TMEFF2: variants seen among roughly 807,000 people sequenced by gnomAD.
TMEFF2 encodes the protein transmembrane protein with EGF like and two follistatin like domains 2.
A neutral mutation model predicts 53.8 loss-of-function variants in TMEFF2; 28 were observed. The ratio of observed to expected loss-of-function variants is 0.52; its 90% CI spans 0.39 to 0.71. The LOEUF (loss-of-function observed/expected upper bound fraction) is 0.71, where lower values mean the gene tolerates loss of function less well. Among genes scored for constraint, TMEFF2 ranks in the 30% least tolerant of loss-of-function variants. TMEFF2 has a pLI of 0.00. For missense variants in TMEFF2, 353 were observed against 455.2 expected (o/e 0.78, Z 2.04); for synonymous variants, 162 against 166.3 (o/e 0.97, Z 0.20).
At chr2:191,978,407 A>G (rs371385445) in intron 7 of TMEFF2, among the ~76,000 whole-genome samples, 4 of 152,062 alleles carry the variant, frequency 2.6e-5, no homozygotes, top group African/African-American at 9.7e-5. Context: ...CTTTCATTGA[A>G]AAGTCATTTC....
intron 4 of TMEFF2, among the ~76,000 whole-genome samples, chr2:192,112,204 G>A (rs138041467): frequency 1.1e-3 from 174 of 152,286 alleles, no homozygotes; most frequent in African/African-American, 3.7e-3. Flanking sequence ...ACCTGGAAAC[G>A]CTGCATACAC....
chr2:191,983,588 T>A (rs1211600163), intron 7 of TMEFF2, among the ~76,000 whole-genome samples: 5 of 152,126 alleles, frequency 3.3e-5, no homozygotes, highest in Non-Finnish European at 7.4e-5. Flanking sequence ...GTAGAATGAT[T>A]ATAACATGCC....
intron 4 of TMEFF2, among the ~76,000 whole-genome samples, chr2:192,082,378 C>G (rs1419469811): frequency 2.6e-5 from 4 of 152,128 alleles, no homozygotes; most frequent in Non-Finnish European, 5.9e-5. Context: ...TGGAGTTAAA[C>G]AGAAAGTCAG....
At chr2:192,179,488 C>A (rs1447549978) in intron 4 of TMEFF2, 180 bp downstream of exon 4, 1 of 464,386 alleles carries the variant, frequency 2.2e-6, no homozygotes, top group Non-Finnish European at 3.8e-6. Context: ...ATAAGTATGC[C>A]AAATAATTTG....
chr2:192,093,419 A>T (rs1688834627), intron 4 of TMEFF2, among the ~76,000 whole-genome samples: 1 of 2,204 alleles, frequency 4.5e-4, no homozygotes, highest in Admixed American at 0.012. Flanking sequence ...TTCATTTGGG[A>T]CTCCCAGACT....
At chr2:192,006,332 C>T (rs1686501043) in intron 5 of TMEFF2, among the ~76,000 whole-genome samples, 1 of 152,108 alleles carries the variant, frequency 6.6e-6, no homozygotes, top group African/African-American at 2.4e-5. Flanking sequence ...AACAAATAGC[C>T]AATCAGAGGA....
intron 4 of TMEFF2, among the ~76,000 whole-genome samples, chr2:192,069,827 T>C (rs1266306146): frequency 6.6e-6 from 1 of 151,584 alleles, no homozygotes; most frequent in Non-Finnish European, 1.5e-5. Flanking sequence ...TTTTCAACTT[T>C]AGGTTTTTAA....
rs1457429041 is a variant in TMEFF2, at chr2:192,034,219, A to G, written c.536+23460T>C. ...TCCTTTTTTTATAAATATGATTTTG[A>G]GTATCAAGAAAAAATAAAATTTAAT... On this transcript the variant is annotated intron_variant, in intron 5 of 9. Transcript: ENST00000272771. 2.6e-5 allele frequency among the ~76,000 whole-genome samples: 4 copies of G among 151,664 alleles called. No homozygotes were observed. The South Asian group carries it at 8.3e-4, about 31-fold the overall frequency.
chr2:192,125,192 G>A (rs908190817), intron 4 of TMEFF2, among the ~76,000 whole-genome samples: 2 of 152,146 alleles, frequency 1.3e-5, no homozygotes, highest in South Asian at 2.1e-4. Context: ...TGTCCCAAAG[G>A]TTTGTGAAAT....
intron 7 of TMEFF2, among the ~76,000 whole-genome samples, chr2:191,991,493 G>C (rs1055601371): frequency 2.6e-5 from 4 of 152,056 alleles, no homozygotes; most frequent in Admixed American, 2.0e-4. Flanking sequence ...TTTGGAAGTA[G>C]ACTTATTATC....
intron 5 of TMEFF2, among the ~76,000 whole-genome samples, chr2:192,019,128 C>T (rs1487095021): frequency 6.6e-6 from 1 of 152,010 alleles, no homozygotes; most frequent in African/African-American, 2.4e-5. Flanking sequence ...TAGACTGCCA[C>T]TATCGCAATA....
At chr2:191,981,073 T>A (rs4319886) in intron 7 of TMEFF2, among the ~76,000 whole-genome samples, 1 of 148,934 alleles carries the variant, frequency 6.7e-6, no homozygotes, top group Non-Finnish European at 1.5e-5. Context: ...TGCTGCCAGG[T>A]TTTTTTTTTT....
chr2:192,107,584 C>T lies in TMEFF2; in HGVS notation c.440-49809G>A, dbSNP rs545821366. On this transcript the variant is annotated intron_variant, in intron 4 of 9. Coordinates refer to ENST00000272771, the MANE Select transcript of TMEFF2 (RefSeq NM_016192.4). ...AGCAGAACTGCCCAATTTATACAAT[C>T]TCTAGAATCTCATATGCTGATAGTC... 4.6e-5 allele frequency among the ~76,000 whole-genome samples: 7 copies of T among 151,822 alleles called. No individual in the cohort carries two copies. In the East Asian group the frequency reaches 1.4e-3, roughly 29 times the overall value.
intron 7 of TMEFF2, among the ~76,000 whole-genome samples, chr2:191,984,152 G>A (rs1685920908): frequency 6.6e-6 from 1 of 152,006 alleles, no homozygotes; most frequent in East Asian, 1.9e-4. Context: ...AAAGGGCACT[G>A]TTGGAAATCA....
At chr2:192,158,376 A>ACG (rs1690555257) in intron 4 of TMEFF2, among the ~76,000 whole-genome samples, 2 of 55,356 alleles carry the variant, frequency 3.6e-5, no homozygotes, top group African/African-American at 8.8e-5. Context: ...ATTATTTTTA[A>ACG]TAAAGCTAGA....
chr2:192,024,556 T>G (rs895124551), intron 5 of TMEFF2, among the ~76,000 whole-genome samples: 2 of 152,200 alleles, frequency 1.3e-5, no homozygotes, highest in African/African-American at 4.8e-5. Flanking sequence ...TTCACCTATT[T>G]TAAGTGTGCA....
chr2:191,983,900 ACTTTT>A (rs1407177920), intron 7 of TMEFF2, among the ~76,000 whole-genome samples: 7 of 152,222 alleles, frequency 4.6e-5, no homozygotes, highest in Non-Finnish European at 7.3e-5. Flanking sequence ...GTGAGAAAGA[ACTTTT>A]CTTTTCCAAG....
In TMEFF2 at chr2:192,194,448, G is replaced by GGCA. The variant is rs906901478; in HGVS notation, c.74_76dup (p.Leu25dup). ...GCGGGCTACGATGAGTAGCATGACG[G>GGCA]GCAGCAGCAGCAGCCAGCAAAAGCC... On this transcript the variant is annotated inframe_insertion, in exon 1 of 10. Coordinates refer to ENST00000272771, the MANE Select transcript of TMEFF2 (RefSeq NM_016192.4). The surrounding 1 kb of genome is among the most constrained non-coding windows in gnomAD (Gnocchi z 4.2). 3 of 1,613,970 alleles carry GGCA rather than the reference G, an allele frequency of 1.9e-6. No individual in the cohort carries two copies. The highest frequency in any genetic ancestry group is 2.7e-5 in the African/African-American group (2 of 74,898).
At chr2:191,950,496 CA>C (rs752486449) in intron 9 of TMEFF2, 89 bp from the exon 10 acceptor site, 2 of 1,509,874 alleles carry the variant, frequency 1.3e-6, no homozygotes, top group Non-Finnish European at 1.8e-6. Flanking sequence ...GTGGATTAAG[CA>C]AATTATTAAA....
Sources: allele counts gnomAD v4.1 joint callset (sites outside exome capture counted in the v4.1 genomes callset), GRCh38; gene constraint gnomAD v4.1.1; non-coding constraint Gnocchi (gnomAD v3.1); transcripts MANE v1.5; gene names NCBI Gene and HGNC (gene_info 2026-07-23, HGNC 2026-07-21).